The following NALF1 variants were observed in gnomAD, a reference collection of about 807,000 sequenced individuals.
The protein encoded by NALF1 is NALCN channel auxiliary factor 1.
A neutral mutation model predicts 48.4 loss-of-function variants in NALF1; 3 were observed. The observed-to-expected ratio is 0.06, with a 90% CI of 0.03 to 0.16. NALF1 has a LOEUF of 0.16. Ranked by LOEUF, NALF1 falls within the 10% of genes least tolerant of loss-of-function variation. The pLI, the probability that NALF1 is intolerant of heterozygous loss-of-function variation, is 1.00. For missense variants in NALF1, 526 were observed against 571.5 expected (o/e 0.92, Z 0.81); for synonymous variants, 262 against 245.7 (o/e 1.07, Z -0.62).
chr13:107,572,156 C>A (rs1451696420), intron 1 of NALF1, among the ~76,000 whole-genome samples: 1 of 151,964 alleles, frequency 6.6e-6, no homozygotes, highest in African/African-American at 2.4e-5. Context: ...ATATTAATAT[C>A]CTAAAATGAT....
chr13:107,745,861 A>G (rs994012787), intron 1 of NALF1, among the ~76,000 whole-genome samples: 2 of 152,172 alleles, frequency 1.3e-5, no homozygotes, highest in African/African-American at 4.8e-5. Flanking sequence ...CCTTTGCTCA[A>G]CAATTGTAAT....
chr13:107,587,140 G>A (rs1266732897), intron 1 of NALF1, among the ~76,000 whole-genome samples: 13 of 152,150 alleles, frequency 8.5e-5, no homozygotes, highest in South Asian at 4.2e-4. Context: ...GGTAATCAAA[G>A]TTCTTGAACA....
chr13:107,370,548 G>C (rs1013864169), intron 1 of NALF1, among the ~76,000 whole-genome samples: 1 of 152,144 alleles, frequency 6.6e-6, no homozygotes. Context: ...TCTGCAGATA[G>C]ATCCAAAAGT....
intron 1 of NALF1, among the ~76,000 whole-genome samples, chr13:107,573,589 G>T (rs773861154): frequency 1.2e-4 from 19 of 152,186 alleles, no homozygotes; most frequent in Non-Finnish European, 2.2e-4. Context: ...ATGCTACTCA[G>T]AGAAGGTTTA....
chr13:107,471,339 T>C (rs1885098118), intron 1 of NALF1, among the ~76,000 whole-genome samples: 1 of 152,140 alleles, frequency 6.6e-6, no homozygotes, highest in South Asian at 2.1e-4. Flanking sequence ...AGAAAGAGCA[T>C]TTTGGCCATG....
At chr13:107,843,512 T>G (rs1275685170) in intron 1 of NALF1, among the ~76,000 whole-genome samples, 1 of 152,172 alleles carries the variant, frequency 6.6e-6, no homozygotes, top group Non-Finnish European at 1.5e-5. Context: ...TGGAAACTTA[T>G]CTGCAATGCA....
At chr13:107,609,967 A>G (rs1269599865) in intron 1 of NALF1, among the ~76,000 whole-genome samples, 1 of 152,222 alleles carries the variant, frequency 6.6e-6, no homozygotes, top group Non-Finnish European at 1.5e-5. Context: ...AGAACTTCCA[A>G]ATAGCAAAGA....
chr13:107,861,948 C>T (rs1880581732), intron 1 of NALF1, among the ~76,000 whole-genome samples: 1 of 152,166 alleles, frequency 6.6e-6, no homozygotes, highest in Admixed American at 6.5e-5. Flanking sequence ...ATGCCTAATA[C>T]TTGCAAGGTA....
chr13:107,491,381 GAC>G (rs1421672774), intron 1 of NALF1, among the ~76,000 whole-genome samples: 4 of 152,274 alleles, frequency 2.6e-5, no homozygotes, highest in East Asian at 1.9e-4. Flanking sequence ...CTGTGGAGAC[GAC>G]ACAGTTTTCA....
chr13:107,684,230 C>G (rs1881376586), intron 1 of NALF1, among the ~76,000 whole-genome samples: 1 of 152,184 alleles, frequency 6.6e-6, no homozygotes, highest in African/African-American at 2.4e-5. Context: ...AGGGGAGCAC[C>G]TCGCTCCTTT....
At chr13:107,848,875 A>G (rs1403562478) in intron 1 of NALF1, among the ~76,000 whole-genome samples, 2 of 152,224 alleles carry the variant, frequency 1.3e-5, no homozygotes, top group Non-Finnish European at 2.9e-5. Context: ...CCGACCTGAC[A>G]GGAAAAGAAT....
chr13:107,542,455 C>T (rs1877023723), intron 1 of NALF1, among the ~76,000 whole-genome samples: 2 of 152,180 alleles, frequency 1.3e-5, no homozygotes, highest in South Asian at 4.2e-4. Context: ...TTAAAACCCA[C>T]TGAATTGTAT....
intron 1 of NALF1, among the ~76,000 whole-genome samples, chr13:107,246,871 A>G (rs1409199945): frequency 1.3e-5 from 2 of 152,208 alleles, no homozygotes; most frequent in Admixed American, 6.5e-5. Flanking sequence ...AAATTATAAT[A>G]AACAACTAAT....
chr13:107,401,274 T>C (rs371445898), intron 1 of NALF1, among the ~76,000 whole-genome samples: 1 of 152,096 alleles, frequency 6.6e-6, no homozygotes, highest in African/African-American at 2.4e-5. Flanking sequence ...GCGATCTGAT[T>C]GAAAAATGCT....
chr13:107,842,150 A>G (rs1257203238), intron 1 of NALF1, among the ~76,000 whole-genome samples: 2 of 152,058 alleles, frequency 1.3e-5, no homozygotes, highest in Non-Finnish European at 1.5e-5. Context: ...TATTTCTTTA[A>G]AATACCTGAT....
intron 1 of NALF1, among the ~76,000 whole-genome samples, chr13:107,819,911 T>A (rs959042477): frequency 6.6e-6 from 1 of 152,170 alleles, no homozygotes; most frequent in Non-Finnish European, 1.5e-5. Context: ...TATTTGCTCA[T>A]AAAGTTGTCT....
intron 1 of NALF1, among the ~76,000 whole-genome samples, chr13:107,568,283 G>A (rs554185579): frequency 1.3e-5 from 2 of 152,198 alleles, no homozygotes; most frequent in Non-Finnish European, 2.9e-5. Context: ...ACGCAGCCTT[G>A]TTCCCTTTTT....
At chr13:107,689,738 G>A (rs1329629947) in intron 1 of NALF1, among the ~76,000 whole-genome samples, 1 of 152,164 alleles carries the variant, frequency 6.6e-6, no homozygotes, top group South Asian at 2.1e-4. Flanking sequence ...AAAGTCTTAA[G>A]ATTCTTGGTA....
At chr13:107,622,054 G>A (rs371689051) in intron 1 of NALF1, among the ~76,000 whole-genome samples, 1 of 151,610 alleles carries the variant, frequency 6.6e-6, no homozygotes, top group African/African-American at 2.4e-5. Flanking sequence ...GTACAGTGAC[G>A]CTATCTCGGC....
Sources: allele counts gnomAD v4.1 joint callset (sites outside exome capture counted in the v4.1 genomes callset), GRCh38; gene constraint gnomAD v4.1.1; transcripts MANE v1.5; gene names NCBI Gene and HGNC (gene_info 2026-07-23, HGNC 2026-07-21).